Variants in HMGA2 observed in about 807,000 individuals in gnomAD.
HMGA2 encodes high mobility group protein HMGI-C.
Under a neutral mutation model 19.1 loss-of-function variants are expected in HMGA2, and 8 were observed. The ratio of observed to expected loss-of-function variants is 0.42; its 90% CI spans 0.25 to 0.76. The LOEUF is 0.76. Among genes scored for constraint, HMGA2 ranks in the 30% least tolerant of loss-of-function variants. HMGA2 has a pLI of 0.28. For missense variants in HMGA2, 109 were observed against 136.3 expected, an observed-to-expected ratio of 0.80 and a Z score of 1.00; for synonymous variants, 60 against 48.8, an observed-to-expected ratio of 1.23 and a Z score of -0.96.
At chr12:65,829,175 T>A (rs1870366748) in intron 2 of HMGA2, among the ~76,000 whole-genome samples, 1 of 152,154 alleles carries the variant, frequency 6.6e-6, no homozygotes. Context: ...GTAATGTATG[T>A]AAACTGCCAT....
chr12:65,856,652 A>T (rs1320225305), intron 3 of HMGA2: 1 of 152,338 alleles, frequency 6.6e-6, no homozygotes, highest in East Asian at 1.9e-4. Context: ...ACAGTCTGGA[A>T]ACTGGAAGTC....
At chr12:65,901,695 A>G (rs529830599) in intron 3 of HMGA2, among the ~76,000 whole-genome samples, 1 of 152,336 alleles carries the variant, frequency 6.6e-6, no homozygotes, top group African/African-American at 2.4e-5. Flanking sequence ...ACTTATGAAT[A>G]TGTATATATG....
In HMGA2 at chr12:65,934,606, A is replaced by G. The variant is rs149343202; in HGVS notation, c.250-16777A>G. Among the ~76,000 whole-genome samples, 25 of 152,282 alleles carry G rather than the reference A, an allele frequency of 1.6e-4. No homozygotes were observed. In the East Asian group the frequency reaches 4.8e-3, roughly 29 times the overall value. On this transcript the variant is annotated intron_variant, in intron 3 of 4. Coordinates refer to ENST00000403681, the MANE Select transcript of HMGA2 (RefSeq NM_003483.6). ...CTCTATAAAGGCTGTTGGTACACCCACAAATGTCATCTGTTTGTGATGAGC... is the reference window on the plus strand; with the variant it reads ...CTCTATAAAGGCTGTTGGTACACCCGCAAATGTCATCTGTTTGTGATGAGC...
chr12:65,868,845 A>G (rs1401758240), intron 3 of HMGA2, among the ~76,000 whole-genome samples: 1 of 152,224 alleles, frequency 6.6e-6, no homozygotes, highest in East Asian at 1.9e-4. Context: ...TTTTGACAAA[A>G]TAATGGAATC....
chr12:65,862,439 A>C (rs1190358627), intron 3 of HMGA2, among the ~76,000 whole-genome samples: 1 of 152,194 alleles, frequency 6.6e-6, no homozygotes, highest in East Asian at 1.9e-4. Flanking sequence ...TAAATGTCTT[A>C]GGTAGTTCTA....
intron 3 of HMGA2, among the ~76,000 whole-genome samples, chr12:65,939,400 G>T (rs1394711915): frequency 6.6e-6 from 1 of 151,590 alleles, no homozygotes; most frequent in East Asian, 1.9e-4. Flanking sequence ...CTGTCACCCA[G>T]GCTAGAGCAC....
intron 3 of HMGA2, among the ~76,000 whole-genome samples, chr12:65,850,513 AAT>A (rs1491327900): frequency 6.6e-6 from 1 of 151,648 alleles, no homozygotes; most frequent in Non-Finnish European, 1.5e-5. Context: ...GAAGAGACCG[AAT>A]TTTTTTTTTT....
At chr12:65,903,014 G>T (rs937204904) in intron 3 of HMGA2, among the ~76,000 whole-genome samples, 1 of 152,122 alleles carries the variant, frequency 6.6e-6, no homozygotes, top group African/African-American at 2.4e-5. Flanking sequence ...AGAAGAAAGA[G>T]AATACATTAT....
At chr12:65,841,991 C>CT (rs76443274) in intron 3 of HMGA2, 24,388 of 808,050 alleles carry the variant, frequency 0.03, 1 homozygote, top group Non-Finnish European at 0.032. Flanking sequence ...TTCCCTTCAT[C>CT]TTTTTTTTTT....
chr12:65,925,298 T>A (rs912952091), intron 3 of HMGA2, among the ~76,000 whole-genome samples: 1 of 152,150 alleles, frequency 6.6e-6, no homozygotes, highest in African/African-American at 2.4e-5. Context: ...TTGAAAAAAA[T>A]TGACTTTTGG....
At chr12:65,908,648 T>C (rs575802165) in intron 3 of HMGA2, among the ~76,000 whole-genome samples, 118 of 152,330 alleles carry the variant, frequency 7.7e-4, no homozygotes, top group African/African-American at 2.6e-3. Context: ...TATTTCTTCC[T>C]TGAAGGAACT....
chr12:65,870,847 C>A (rs2121035459), intron 3 of HMGA2, among the ~76,000 whole-genome samples: 1 of 152,202 alleles, frequency 6.6e-6, no homozygotes, highest in African/African-American at 2.4e-5. Flanking sequence ...TAGGTAAGAG[C>A]AGCTAGTTTG....
intron 3 of HMGA2, among the ~76,000 whole-genome samples, chr12:65,864,867 C>A (rs1872306750): frequency 6.6e-6 from 1 of 152,142 alleles, no homozygotes; most frequent in African/African-American, 2.4e-5. Flanking sequence ...ACACTTGACC[C>A]TTGAACAATA....
At chr12:65,854,460 A>G (rs1006317828) in intron 3 of HMGA2, among the ~76,000 whole-genome samples, 8 of 152,158 alleles carry the variant, frequency 5.3e-5, no homozygotes, top group Non-Finnish European at 1.2e-4. Context: ...CAATCCATTC[A>G]TCGCGATTAG....
At position 65,842,718 on chromosome 12, in the gene HMGA2, T is replaced by C. The variant is rs1386374572; in HGVS notation, c.249+4149T>C. The C allele has an allele frequency of 2.1e-5, 31 of 1,463,892 alleles. No individual in the cohort carries two copies. In the Admixed American group the frequency reaches 6.5e-4, roughly 31 times the overall value. 90.7% of individuals were successfully genotyped at this position (1,463,892 alleles called of 1,614,324 possible). Reference sequence around the variant, plus strand: ...TCAAGATGTACATACAGAGATGTGCTGATTCTCAGAACTTCTATAGAATTC... The same window carrying C: ...TCAAGATGTACATACAGAGATGTGCCGATTCTCAGAACTTCTATAGAATTC... On this transcript the variant is annotated intron_variant, in intron 3 of 4. Transcript: ENST00000403681.
chr12:65,842,168 G>A (rs576168739), intron 3 of HMGA2: 3 of 1,215,946 alleles, frequency 2.5e-6, no homozygotes, highest in South Asian at 1.3e-5. Context: ...GATGGCTTGG[G>A]TTCAAATTCT....
At chr12:65,911,696 C>T (rs1327575359) in intron 3 of HMGA2, among the ~76,000 whole-genome samples, 3 of 152,142 alleles carry the variant, frequency 2.0e-5, no homozygotes, top group Admixed American at 2.0e-4. Flanking sequence ...AACGGAATTA[C>T]ATTTGGGGCC....
rs1167505677 is a variant in HMGA2, at chr12:65,824,834, C to T, written c.-437C>T. On this transcript the variant is annotated 5_prime_UTR_variant, in exon 1 of 5. Coordinates refer to ENST00000403681, the MANE Select transcript of HMGA2 (RefSeq NM_003483.6). ...CTAACATTTCAAGGGACACAATTCA[C>T]TCCAAGTCTCTTCCCTTTCCAAGCC... The T allele has an allele frequency of 2.4e-5, 6 of 248,548 alleles. No individual in the cohort carries two copies. The highest frequency in any genetic ancestry group is 3.9e-5 in the Non-Finnish European group (5 of 128,350). The allele number at this position is 248,548 out of a possible 1,614,324, so 15.4% of individuals were successfully genotyped here.
intron 3 of HMGA2, among the ~76,000 whole-genome samples, chr12:65,885,310 T>G (rs936640701): frequency 2.0e-5 from 3 of 152,112 alleles, no homozygotes; most frequent in Admixed American, 6.5e-5. Flanking sequence ...TGATAAATAG[T>G]GGGTTTTTTA....
Sources: allele counts gnomAD v4.1 joint callset (sites outside exome capture counted in the v4.1 genomes callset), GRCh38; gene constraint gnomAD v4.1.1; transcripts MANE v1.5; gene names NCBI Gene and HGNC (gene_info 2026-07-23, HGNC 2026-07-21).